The following SOX6 variants were observed in gnomAD, a reference collection of about 807,000 sequenced individuals.
The protein encoded by SOX6 is transcription factor SOX-6.
Under a neutral mutation model 97.8 loss-of-function variants are expected in SOX6, and 11 were observed. That is an observed-to-expected ratio of 0.11 (90% CI 0.07 to 0.19). The LOEUF (loss-of-function observed/expected upper bound fraction) is 0.19. Ranked by LOEUF, SOX6 falls within the 10% of genes least tolerant of loss-of-function variation. The pLI is 1.00. For missense variants in SOX6, 810 were observed against 1,039.5 expected, an observed-to-expected ratio of 0.78 and a Z score of 3.04; for synonymous variants, 360 against 371.4, an observed-to-expected ratio of 0.97 and a Z score of 0.35.
chr11:16,399,928 C>T (rs941286912), intron 1 of SOX6, among the ~76,000 whole-genome samples: 1 of 151,272 alleles, frequency 6.6e-6, no homozygotes, highest in African/African-American at 2.4e-5. Flanking sequence ...AAGTTTTAGC[C>T]AGTGCAAAAA....
At chr11:16,431,002 T>C (rs764650147) in intron 1 of SOX6, among the ~76,000 whole-genome samples, 3 of 152,142 alleles carry the variant, frequency 2.0e-5, no homozygotes, top group Non-Finnish European at 4.4e-5. Context: ...GTGGCCTCCT[T>C]ACTGTTACTA....
Position 16,036,204 on chromosome 11 carries a change from C to T in SOX6, c.1623+10310G>A, listed in dbSNP as rs568272239. Among the ~76,000 whole-genome samples, 14 of 152,046 alleles carry T rather than the reference C, an allele frequency of 9.2e-5. No individual in the cohort carries two copies. The East Asian group carries it at 1.4e-3, about 15-fold the overall frequency. ...AAGCAATTTTCCTGCCTCAGCCTCCCGAGTAGCTGGGATTACAGGCATGCG... is the reference window on the plus strand; with the variant it reads ...AAGCAATTTTCCTGCCTCAGCCTCCTGAGTAGCTGGGATTACAGGCATGCG... On this transcript the variant is annotated intron_variant, in intron 12 of 15. Coordinates refer to ENST00000683767, the MANE Select transcript of SOX6 (RefSeq NM_001367873.1).
chr11:16,477,164 T>C (rs1374697084), upstream of SOX6, among the ~76,000 whole-genome samples: 1 of 152,178 alleles, frequency 6.6e-6, no homozygotes, highest in Non-Finnish European at 1.5e-5. Flanking sequence ...CTGTATTCTT[T>C]CAAAAATGTG....
At chr11:16,497,005 C>T (rs775754138) in intron 4 of SOX6, among the ~76,000 whole-genome samples, 13 of 152,154 alleles carry the variant, frequency 8.5e-5, no homozygotes, top group Non-Finnish European at 7.4e-5. Context: ...GATCTGAGAA[C>T]GGACAGACTG....
intron 9 of SOX6, among the ~76,000 whole-genome samples, chr11:16,083,838 A>G (rs767480027): frequency 2.0e-5 from 3 of 152,136 alleles, no homozygotes; most frequent in Admixed American, 6.5e-5. Context: ...TCCTAATCCC[A>G]TTTGATAAAA....
At chr11:16,457,697 T>G (rs1213138822) in intron 1 of SOX6, among the ~76,000 whole-genome samples, 1 of 152,040 alleles carries the variant, frequency 6.6e-6, no homozygotes, top group African/African-American at 2.4e-5. Context: ...ATTTATGCTA[T>G]TTTCTATTAT....
chr11:16,339,072 T>C (rs371328967), intron 2 of SOX6, among the ~76,000 whole-genome samples: 15 of 152,136 alleles, frequency 9.9e-5, no homozygotes, highest in African/African-American at 3.1e-4. Flanking sequence ...AACCCATCCT[T>C]TCTCTCTAGC....
intron 6 of SOX6, among the ~76,000 whole-genome samples, chr11:16,157,327 T>A (rs1850629566): frequency 6.6e-6 from 1 of 151,956 alleles, no homozygotes; most frequent in Admixed American, 6.6e-5. Context: ...CCAAATCCTA[T>A]CCAGTCTTTA....
chr11:16,395,811 C>G lies in SOX6; in HGVS notation c.-4-54559G>C, dbSNP rs116951845. 6.0e-3 allele frequency among the ~76,000 whole-genome samples: 905 copies of G among 151,662 alleles called. 3 individuals are homozygous for G. Among genetic ancestry groups the G allele is most frequent in the Non-Finnish European group, 9.6e-3 (648 of 67,754 alleles). On this transcript the variant is annotated intron_variant, in intron 1 of 15. Transcript: ENST00000396356. ...GCATGAGTCATTATCACTAGCATGA[C>G]GACAGGGAGATATAAAACTAGAAAA... is the stretch of plus-strand genomic sequence containing the variant.
intron 6 of SOX6, among the ~76,000 whole-genome samples, chr11:16,166,741 C>T (rs1366998561): frequency 6.6e-6 from 1 of 152,120 alleles, no homozygotes; most frequent in Non-Finnish European, 1.5e-5. Context: ...CTTCATGGAA[C>T]CAGGCCATAA....
chr11:16,452,737 C>G (rs941123082), intron 1 of SOX6, among the ~76,000 whole-genome samples: 2 of 152,108 alleles, frequency 1.3e-5, no homozygotes, highest in African/African-American at 4.8e-5. Context: ...TTTACATAGT[C>G]ATGAGGCACA....
chr11:16,326,911 G>A (rs1227209623), intron 2 of SOX6, among the ~76,000 whole-genome samples: 1 of 152,080 alleles, frequency 6.6e-6, no homozygotes, highest in African/African-American at 2.4e-5. Context: ...TTAAGAGTTC[G>A]GGGCTGAGAT....
intron 1 of SOX6, among the ~76,000 whole-genome samples, chr11:16,345,574 C>T (rs893121316): frequency 4.6e-5 from 7 of 152,004 alleles, no homozygotes; most frequent in Admixed American, 2.6e-4. Context: ...GAATGTTTGG[C>T]CTACTACAAA....
chr11:16,174,776 A>G (rs531647834), intron 6 of SOX6, among the ~76,000 whole-genome samples: 1 of 152,068 alleles, frequency 6.6e-6, no homozygotes, highest in East Asian at 1.9e-4. Flanking sequence ...TTGTGCAGCT[A>G]AAACACATAA....
chr11:16,227,084 TATA>T (rs141879220), intron 4 of SOX6, among the ~76,000 whole-genome samples: 16,595 of 152,152 alleles, frequency 0.11, 959 homozygotes, highest in South Asian at 0.17. Context: ...ATAAAATCAG[TATA>T]ATAATATTTT....
intron 4 of SOX6, among the ~76,000 whole-genome samples, chr11:16,595,429 A>G (rs934676629): frequency 6.6e-6 from 1 of 152,144 alleles, no homozygotes; most frequent in Non-Finnish European, 1.5e-5. Flanking sequence ...AATATGAAAG[A>G]AGGCCTGCTG....
chr11:16,023,312 AT>A (rs1020612691), intron 12 of SOX6: 2 of 152,144 alleles, frequency 1.3e-5, no homozygotes, highest in African/African-American at 2.4e-5. Flanking sequence ...TCCATGTCTT[AT>A]TATCTCTATA....
Position 16,143,939 on chromosome 11 carries a change from C to T in SOX6, c.778-32016G>A, listed in dbSNP as rs889313464. On this transcript the variant is annotated intron_variant, in intron 6 of 15. Coordinates refer to ENST00000683767, the MANE Select transcript of SOX6 (RefSeq NM_001367873.1). ...CACCCCACTGTCAACATTAGACAGA[C>T]CAATGAGACAGAAAGTTAACAAGGA... Among the ~76,000 whole-genome samples, 7 of 152,000 alleles carry T rather than the reference C, an allele frequency of 4.6e-5. No individual in the cohort carries two copies. The East Asian group carries it at 9.7e-4, about 21-fold the overall frequency.
chr11:16,500,698 T>C (rs1470922572), intron 4 of SOX6, among the ~76,000 whole-genome samples: 1 of 152,094 alleles, frequency 6.6e-6, no homozygotes, highest in African/African-American at 2.4e-5. Context: ...ATGAGTGAAC[T>C]CCCATTCACA....
Sources: gnomAD v4.1 joint callset for allele counts (sites outside exome capture counted in the v4.1 genomes callset) on GRCh38, gnomAD v4.1.1 for gene constraint, MANE v1.5 for transcripts, NCBI Gene and HGNC (gene_info 2026-07-23, HGNC 2026-07-21) for gene names.